Variants in CADM2 observed in about 807,000 individuals in gnomAD.
The protein encoded by CADM2 is immunoglobulin superfamily member 4D.
Under a neutral mutation model 49.8 loss-of-function variants are expected in CADM2, and 12 were observed. The ratio of observed to expected loss-of-function variants is 0.24; its 90% CI spans 0.15 to 0.39. The LOEUF is 0.39. Ranked by LOEUF, CADM2 falls within the 10% of genes least tolerant of loss-of-function variation. The pLI is 1.00. For missense variants in CADM2, 378 were observed against 492.3 expected, an observed-to-expected ratio of 0.77 and a Z score of 2.20; for synonymous variants, 214 against 175.4, an observed-to-expected ratio of 1.22 and a Z score of -1.74.
chr3:85,313,915 G>A (rs1440010817), intron 1 of CADM2, among the ~76,000 whole-genome samples: 1 of 152,060 alleles, frequency 6.6e-6, no homozygotes, highest in East Asian at 1.9e-4. Flanking sequence ...TTTTGAGATG[G>A]AGTCTCTCTC....
rs185963680 is a variant in CADM2 at position 85,644,523 on chromosome 3, C to A, written c.62-81999C>A. ...GATAAAAGAGAAGAGAACTTTCTGC[C>A]CGGTTACTTTCACTGCCCAGTAGCT... On this transcript the variant is annotated intron_variant, in intron 1 of 9. Transcript: ENST00000383699. Among the ~76,000 whole-genome samples the A allele has an allele frequency of 1.2e-4, 19 of 152,104 alleles. No homozygotes were observed. The East Asian group carries it at 3.5e-3, about 28-fold the overall frequency.
intron 3 of CADM2, among the ~76,000 whole-genome samples, chr3:85,837,609 C>T (rs2074465049): frequency 6.6e-6 from 1 of 151,462 alleles, no homozygotes; most frequent in Non-Finnish European, 1.5e-5. Flanking sequence ...CATGCTTCAG[C>T]AATCATTTTT....
At position 85,366,616 on chromosome 3, in the gene CADM2, C is replaced by T. The variant is rs1056283207; in HGVS notation, c.62-359906C>T. Among the ~76,000 whole-genome samples, 6 of 152,016 alleles carry T rather than the reference C, an allele frequency of 3.9e-5. 1 individual carries two copies. Among genetic ancestry groups the T allele is most frequent in the African/African-American group, 1.4e-4 (6 of 41,396 alleles). On this transcript the variant is annotated intron_variant, in intron 1 of 9. Transcript: ENST00000383699. The stretch of plus-strand genomic sequence containing the variant: ...TATTGCATAAATAAGACTCTAAGTG[C>T]TTGTATAATAATTAACATGAACAAA...
At chr3:85,644,391 C>A (rs2064823609) in intron 1 of CADM2, among the ~76,000 whole-genome samples, 1 of 152,104 alleles carries the variant, frequency 6.6e-6, no homozygotes, top group Admixed American at 6.6e-5. Context: ...TACAGCCACA[C>A]TGGGGTTTAG....
chr3:85,497,366 C>A (rs1559870233), intron 1 of CADM2, among the ~76,000 whole-genome samples: 1 of 151,970 alleles, frequency 6.6e-6, no homozygotes, highest in Non-Finnish European at 1.5e-5. Flanking sequence ...TTACTTTAAG[C>A]CTATAGGCGT....
chr3:85,615,767 A>G (rs908988208), intron 1 of CADM2, among the ~76,000 whole-genome samples: 1 of 151,708 alleles, frequency 6.6e-6, no homozygotes, highest in African/African-American at 2.4e-5. Flanking sequence ...AGATCTGAAG[A>G]CCTCACAGAT....
intron 1 of CADM2, among the ~76,000 whole-genome samples, chr3:85,403,921 CTGAATCATATATTG>C (rs1239184808): frequency 6.6e-6 from 1 of 152,026 alleles, no homozygotes; most frequent in Non-Finnish European, 1.5e-5. Flanking sequence ...AATCCTGTAA[CTGAATCATATATTG>C]TGAACAAGCT....
At chr3:85,720,788 A>G (rs1393033225) in intron 1 of CADM2, among the ~76,000 whole-genome samples, 2 of 152,196 alleles carry the variant, frequency 1.3e-5, no homozygotes, top group African/African-American at 4.8e-5. Flanking sequence ...AAACAAAAAG[A>G]GGAGAAAAGG....
chr3:85,539,357 A>G (rs1479401251), intron 1 of CADM2, among the ~76,000 whole-genome samples: 2 of 152,080 alleles, frequency 1.3e-5, no homozygotes, highest in Non-Finnish European at 2.9e-5. Context: ...CATATTTTTT[A>G]TTATTGTCAT....
At chr3:85,923,161 A>C (rs1478315745) in intron 6 of CADM2, among the ~76,000 whole-genome samples, 1 of 152,080 alleles carries the variant, frequency 6.6e-6, no homozygotes, top group African/African-American at 2.4e-5. Context: ...TCATCACCAA[A>C]TGCTTTCAAC....
At chr3:85,358,898 G>C (rs2032097229) in intron 1 of CADM2, among the ~76,000 whole-genome samples, 1 of 152,164 alleles carries the variant, frequency 6.6e-6, no homozygotes, top group Non-Finnish European at 1.5e-5. Context: ...CTTGTAGTTA[G>C]TGGGTTGTGC....
intron 1 of CADM2, among the ~76,000 whole-genome samples, chr3:85,508,839 G>GTA (rs1263530108): frequency 2.9e-4 from 1 of 3,430 alleles, no homozygotes; most frequent in Non-Finnish European, 8.9e-4. Flanking sequence ...GTGTGTGTAT[G>GTA]TGTGTGTGTG....
chr3:85,125,680 C>T (rs1307703550), intron 1 of CADM2, among the ~76,000 whole-genome samples: 2 of 152,208 alleles, frequency 1.3e-5, no homozygotes, highest in African/African-American at 4.8e-5. Context: ...GGGGACTCTT[C>T]AGTTGCCTTA....
At chr3:85,961,134 C>T (rs2108614721) in intron 7 of CADM2, among the ~76,000 whole-genome samples, 1 of 149,836 alleles carries the variant, frequency 6.7e-6, no homozygotes. Flanking sequence ...GCCCCAATAG[C>T]CTAAGGGTAG....
chr3:85,622,471 T>C (rs1002622834), intron 1 of CADM2, among the ~76,000 whole-genome samples: 1 of 152,292 alleles, frequency 6.6e-6, no homozygotes, highest in African/African-American at 2.4e-5. Flanking sequence ...GATAATAGTT[T>C]AGTTCATTTA....
At position 85,707,393 on chromosome 3, in the gene CADM2, CT is replaced by C. The variant is rs34006416; in HGVS notation, c.62-19112del. Among the ~76,000 whole-genome samples the C allele has an allele frequency of 1.7e-3, 213 of 128,626 alleles. 1 individual carries two copies. The highest frequency in any genetic ancestry group is 5.9e-3 in the East Asian group (25 of 4,220). 84.4% of individuals were successfully genotyped at this position (128,626 alleles called of 152,430 possible). Reference sequence around the variant, plus strand: ...TTCTAGGAAGACTATATCATTGTATCTTTTTTTTTTTTTTTTTGTAAAATAG... The same window carrying C: ...TTCTAGGAAGACTATATCATTGTATCTTTTTTTTTTTTTTTTGTAAAATAG... On this transcript the variant is annotated intron_variant, in intron 1 of 9. Coordinates refer to ENST00000383699, the MANE Select transcript of CADM2 (RefSeq NM_001167675.2).
intron 1 of CADM2, among the ~76,000 whole-genome samples, chr3:85,303,895 A>C (rs2044157262): frequency 6.6e-6 from 1 of 151,922 alleles, no homozygotes; most frequent in Non-Finnish European, 1.5e-5. Context: ...ATCACAAAAT[A>C]AAAGCAATTA....
chr3:85,069,530 G>T (rs1414220363), intron 1 of CADM2, among the ~76,000 whole-genome samples: 1 of 151,872 alleles, frequency 6.6e-6, no homozygotes, highest in East Asian at 1.9e-4. Context: ...TTCCCTATTA[G>T]GTGTTTTAAG....
intron 1 of CADM2, among the ~76,000 whole-genome samples, chr3:85,195,739 A>G (rs191600792): frequency 9.2e-5 from 14 of 152,164 alleles, no homozygotes; most frequent in Non-Finnish European, 1.5e-4. Flanking sequence ...AGTTTCTTTT[A>G]TGCTTGCAAT....
Sources: allele counts gnomAD v4.1 joint callset (sites outside exome capture counted in the v4.1 genomes callset), GRCh38; gene constraint gnomAD v4.1.1; transcripts MANE v1.5; gene names NCBI Gene and HGNC (gene_info 2026-07-23, HGNC 2026-07-21).